The following SAMD5 variants were observed in gnomAD, a reference collection of about 807,000 sequenced individuals.
The protein encoded by SAMD5 is sterile alpha motif domain-containing protein 5.
A neutral mutation model predicts 11.3 loss-of-function variants in SAMD5; 13 were observed. That is an observed-to-expected ratio of 1.15 (90% CI 0.75 to 1.83). The LOEUF is 1.83. SAMD5 is among the 40% of genes most tolerant of loss of function. The pLI, the probability that SAMD5 is intolerant of heterozygous loss-of-function variation, is 0.00. For synonymous variants in SAMD5, 129 were observed against 111.3 expected, an observed-to-expected ratio of 1.16 and a Z score of -1.00; for missense variants, 255 against 239.1, an observed-to-expected ratio of 1.07 and a Z score of -0.44.
intron 1 of SAMD5, among the ~76,000 whole-genome samples, chr6:147,679,351 TAA>T (rs765290280): frequency 2.0e-4 from 31 of 152,242 alleles, no homozygotes; most frequent in Non-Finnish European, 4.3e-4. Flanking sequence ...GAAACTCAAA[TAA>T]GTTTGTAGTA....
intron 1 of SAMD5, among the ~76,000 whole-genome samples, chr6:147,545,740 A>G (rs112826442): frequency 1.3e-5 from 2 of 152,188 alleles, no homozygotes; most frequent in African/African-American, 2.4e-5. Context: ...GTGTGTGTGT[A>G]TATATAAAAC....
chr6:147,682,787 C>A (rs1309175853), intron 1 of SAMD5, among the ~76,000 whole-genome samples: 1 of 143,594 alleles, frequency 7.0e-6, no homozygotes. Context: ...GATATATTTT[C>A]TCATCAGTTC....
chr6:147,619,959 T>C (rs1347749784), intron 1 of SAMD5, among the ~76,000 whole-genome samples: 2 of 152,250 alleles, frequency 1.3e-5, no homozygotes, highest in Non-Finnish European at 2.9e-5. Flanking sequence ...CCTTCTTTTA[T>C]GGTTAATGAC....
the SAMD5 span, among the ~76,000 whole-genome samples, chr6:147,907,244 C>T: frequency 7.2e-5 from 11 of 152,282 alleles, no homozygotes; most frequent in South Asian, 2.1e-4. Context: ...CGGTGGCTCA[C>T]GCCTGTAATC....
chr6:147,887,345 C>A, the SAMD5 span, among the ~76,000 whole-genome samples: 1 of 152,130 alleles, frequency 6.6e-6, no homozygotes, highest in Non-Finnish European at 1.5e-5. Context: ...CCTCTCTTGA[C>A]CCCCATTACC....
At chr6:147,709,981 A>T (rs781648193) in intron 1 of SAMD5, among the ~76,000 whole-genome samples, 1 of 152,288 alleles carries the variant, frequency 6.6e-6, no homozygotes, top group African/African-American at 2.4e-5. Flanking sequence ...TCAATCCCTC[A>T]GTGAGGTCTA....
chr6:147,858,415 T>C, the SAMD5 span, among the ~76,000 whole-genome samples: 3 of 152,314 alleles, frequency 2.0e-5, no homozygotes, highest in East Asian at 5.8e-4. Flanking sequence ...TTTATTATTC[T>C]GTCCTCTTTG....
chr6:147,542,045 C>T (rs1044751861), intron 1 of SAMD5, among the ~76,000 whole-genome samples: 2 of 152,214 alleles, frequency 1.3e-5, no homozygotes, highest in Non-Finnish European at 2.9e-5. Context: ...CCAATCCAGA[C>T]ACCCCGCAAT....
At chr6:147,649,084 G>A (rs911420782) in intron 1 of SAMD5, among the ~76,000 whole-genome samples, 1 of 152,140 alleles carries the variant, frequency 6.6e-6, no homozygotes, top group Non-Finnish European at 1.5e-5. Flanking sequence ...TCCATATGCC[G>A]TTACTGTTTG....
At chr6:147,545,072 C>A (rs1345755465) in intron 1 of SAMD5, among the ~76,000 whole-genome samples, 2 of 152,112 alleles carry the variant, frequency 1.3e-5, no homozygotes, top group Admixed American at 1.3e-4. Context: ...CCAGTAATTA[C>A]AGAGATTTGC....
At chr6:147,896,738 CAAAAAAAAA>C in the SAMD5 span, among the ~76,000 whole-genome samples, 12 of 55,322 alleles carry the variant, frequency 2.2e-4, no homozygotes, top group South Asian at 8.1e-4. Flanking sequence ...GAACATTAAC[CAAAAAAAAA>C]AAAAAAAAAA....
intron 1 of SAMD5, among the ~76,000 whole-genome samples, chr6:147,598,165 C>T (rs844612): frequency 0.085 from 12,962 of 151,628 alleles, 883 homozygotes; most frequent in African/African-American, 0.19. Flanking sequence ...GGCTCTGTTG[C>T]CCGAGCTGGA....
chr6:147,861,895 A>C, the SAMD5 span, among the ~76,000 whole-genome samples: 2 of 152,144 alleles, frequency 1.3e-5, no homozygotes, highest in Non-Finnish European at 2.9e-5. Flanking sequence ...TGTGACACTG[A>C]GGTGAGAGCA....
the SAMD5 span, among the ~76,000 whole-genome samples, chr6:147,758,794 G>A: frequency 6.6e-6 from 1 of 152,146 alleles, no homozygotes; most frequent in Non-Finnish European, 1.5e-5. Context: ...GGCCTGCTTC[G>A]GTTCCTTCCC....
intron 1 of SAMD5, among the ~76,000 whole-genome samples, chr6:147,686,261 G>A (rs769403660): frequency 6.6e-6 from 1 of 152,016 alleles, no homozygotes; most frequent in Non-Finnish European, 1.5e-5. Context: ...AGCACTCTGT[G>A]GTATCTCTCA....
chr6:147,720,122 C>T (rs941201607), intron 1 of SAMD5, among the ~76,000 whole-genome samples: 2 of 152,164 alleles, frequency 1.3e-5, no homozygotes, highest in African/African-American at 2.4e-5. Flanking sequence ...TGCAGTGTCT[C>T]GTCCCTCCCT....
intron 1 of SAMD5, among the ~76,000 whole-genome samples, chr6:147,515,582 A>G (rs1392160508): frequency 2.0e-5 from 3 of 151,840 alleles, no homozygotes; most frequent in African/African-American, 7.3e-5. Flanking sequence ...CTATCCTTCC[A>G]TTTATCCATC....
In SAMD5 at chr6:147,566,221, A is replaced by G; in HGVS notation, c.*1765A>G. 7 of 977,046 alleles carry G rather than the reference A, an allele frequency of 7.2e-6. No homozygotes were observed. The highest frequency in any genetic ancestry group is 8.5e-6 in the Non-Finnish European group (7 of 822,294). 60.5% of individuals were successfully genotyped at this position (977,046 alleles called of 1,614,324 possible). A position where few individuals can be genotyped will look rare whatever the true frequency, so the allele number is the denominator to read the frequency against. ...GAAGTTAAATTTTAAAAGCATGTAT[A>G]GGTTGTCCTTAAATTATACAAAAGC... On this transcript the variant is annotated 3_prime_UTR_variant, in exon 2 of 2. Transcript: ENST00000367474.
the SAMD5 span, among the ~76,000 whole-genome samples, chr6:147,819,526 A>G: frequency 6.6e-6 from 1 of 152,248 alleles, no homozygotes. Flanking sequence ...TACTCACTGC[A>G]AGAAATATAG....
Sources: allele counts gnomAD v4.1 joint callset (sites outside exome capture counted in the v4.1 genomes callset), GRCh38; gene constraint gnomAD v4.1.1; transcripts MANE v1.5; gene names NCBI Gene and HGNC (gene_info 2026-07-23, HGNC 2026-07-21).